KATNIP: variants seen among roughly 807,000 people sequenced by gnomAD.
KATNIP encodes the protein katanin-interacting protein.
KATNIP carries 126 observed loss-of-function variants against 174.0 expected under a neutral mutation model. The ratio of observed to expected loss-of-function variants is 0.72; its 90% CI spans 0.63 to 0.84. KATNIP has a LOEUF of 0.84. KATNIP is among the 40% of genes least tolerant of loss of function. KATNIP has a pLI of 0.00. For missense variants in KATNIP, 1,958 were observed against 2,109.7 expected, an observed-to-expected ratio of 0.93 and a Z score of 1.41; for synonymous variants, 810 against 835.7, an observed-to-expected ratio of 0.97 and a Z score of 0.53.
At chr16:27,768,709 G>A (rs906866234) in intron 20 of KATNIP, among the ~76,000 whole-genome samples, 14 of 152,278 alleles carry the variant, frequency 9.2e-5, no homozygotes, top group African/African-American at 3.1e-4. Context: ...TGACAGCCAC[G>A]CCCGAAGCCA....
At position 27,750,195 on chromosome 16, in the gene KATNIP, A is replaced by G. The variant is rs2081450934; in HGVS notation, c.3235A>G (p.Asn1079Asp). The G allele has an allele frequency of 6.2e-6, 10 of 1,614,108 alleles. No homozygotes were observed. Among genetic ancestry groups the G allele is most frequent in the Non-Finnish European group, 8.5e-6 (10 of 1,180,028 alleles). The change falls in exon 16 of 28, where the codon AAT becomes GAT. Residue 1079 changes from asparagine (N) to aspartate (D), a missense_variant. Around this residue, in one of 3 missense-constraint regions of KATNIP, gnomAD observed 1,557 missense variants for 1,617.8 expected, o/e 0.96. Coordinates refer to ENST00000261588, the MANE Select transcript of KATNIP (RefSeq NM_015202.5). ...HVALIRIWNYNKSRIHSFRGV... is the reference protein window; with the variant it reads ...HVALIRIWNYDKSRIHSFRGV... ...TGCCCTGATCAGAATTTGGAACTAC[A>G]ATAAATCTCGGATACATTCCTTCCG...
chr16:27,703,531 T>TA (rs2079182554), intron 11 of KATNIP, among the ~76,000 whole-genome samples: 1 of 152,214 alleles, frequency 6.6e-6, no homozygotes, highest in African/African-American at 2.4e-5. Flanking sequence ...TACAACCTTT[T>TA]AAAAACATAA....
chr16:27,595,111 A>G (rs560819036), intron 2 of KATNIP, among the ~76,000 whole-genome samples: 27 of 152,296 alleles, frequency 1.8e-4, no homozygotes, highest in African/African-American at 5.5e-4. Context: ...TGGGCCGGGC[A>G]TGGTGGCTCA....
At chr16:27,653,642 A>C (rs971325763) in intron 6 of KATNIP, among the ~76,000 whole-genome samples, 1 of 149,236 alleles carries the variant, frequency 6.7e-6, no homozygotes, top group African/African-American at 2.5e-5. Context: ...CATCCATGCT[A>C]TTTGATTTTC....
chr16:27,726,528 AC>A (rs1461160944), intron 14 of KATNIP, among the ~76,000 whole-genome samples: 6 of 152,358 alleles, frequency 3.9e-5, no homozygotes, highest in African/African-American at 1.4e-4. Context: ...ATAGGGGACC[AC>A]ATGAGTCTCA....
At chr16:27,748,142 G>A (rs749975595) in intron 15 of KATNIP, among the ~76,000 whole-genome samples, 4 of 152,214 alleles carry the variant, frequency 2.6e-5, no homozygotes, top group Admixed American at 6.5e-5. Flanking sequence ...TGGTGTGCAC[G>A]CCGTGGCTCT....
intron 14 of KATNIP, chr16:27,727,180 A>ATGTT (rs537764418): frequency 1.1e-3 from 205 of 191,966 alleles, no homozygotes; most frequent in Middle Eastern, 2.4e-3. Flanking sequence ...CTGATGGAGG[A>ATGTT]TGTTTGTTTG....
chr16:27,756,825 C>A lies in KATNIP; in HGVS notation c.3631+2574C>A, dbSNP rs140013230. The stretch of plus-strand genomic sequence containing the variant: ...GTTTCCACACAGCTGCGTTCAGTTA[C>A]GAAAATGATGGCATCAAGACATGGT... On this transcript the variant is annotated intron_variant, in intron 18 of 27. Coordinates refer to ENST00000261588, the MANE Select transcript of KATNIP (RefSeq NM_015202.5). Among the ~76,000 whole-genome samples the A allele has an allele frequency of 2.1e-4, 32 of 152,314 alleles. No homozygotes were observed. In the East Asian group the frequency reaches 5.8e-3, roughly 28 times the overall value.
chr16:27,589,150 C>A (rs1050173591), intron 2 of KATNIP, among the ~76,000 whole-genome samples: 1 of 152,022 alleles, frequency 6.6e-6, no homozygotes, highest in African/African-American at 2.4e-5. Context: ...AAGTGATCTG[C>A]CTGCCTTGGC....
At chr16:27,676,721 G>A (rs1194327165) in intron 6 of KATNIP, among the ~76,000 whole-genome samples, 1 of 152,138 alleles carries the variant, frequency 6.6e-6, no homozygotes, top group African/African-American at 2.4e-5. Flanking sequence ...CTCCAGGCTA[G>A]AGTACAGTGG....
intron 1 of KATNIP, among the ~76,000 whole-genome samples, chr16:27,566,429 G>A (rs2090091739): frequency 6.6e-6 from 1 of 152,088 alleles, no homozygotes; most frequent in African/African-American, 2.4e-5. Context: ...CCAGCTACTT[G>A]GGAGACTGAG....
rs191851359 is a variant in KATNIP, at chr16:27,640,311, A to G, written c.409-8293A>G. Among the ~76,000 whole-genome samples, 125 of 152,366 alleles carry G rather than the reference A, an allele frequency of 8.2e-4. 1 individual carries two copies. The highest frequency in any genetic ancestry group is 2.9e-3 in the African/African-American group (120 of 41,586). Reference sequence around the variant, plus strand: ...CCCACTCAGGTACAGCAGCGTGCCAAGCGGGGAGCTAGCCAGGTGCACAGT... The same window carrying G: ...CCCACTCAGGTACAGCAGCGTGCCAGGCGGGGAGCTAGCCAGGTGCACAGT... On this transcript the variant is annotated intron_variant, in intron 5 of 27. Transcript: ENST00000261588.
intron 13 of KATNIP, 109 bp from the exon 14 acceptor site, chr16:27,721,449 C>A: frequency 7.6e-7 from 1 of 1,324,032 alleles, no homozygotes; most frequent in Non-Finnish European, 1.1e-6. Context: ...CTGCCCTGAG[C>A]CCTCACCAGG....
At chr16:27,562,812 GA>G (rs1029192653) in intron 1 of KATNIP, among the ~76,000 whole-genome samples, 8 of 151,782 alleles carry the variant, frequency 5.3e-5, no homozygotes, top group Non-Finnish European at 8.8e-5. Context: ...ATTTCAAATG[GA>G]AAAAAAATCA....
intron 6 of KATNIP, among the ~76,000 whole-genome samples, chr16:27,655,177 G>GATAGATAT (rs1407225408): frequency 2.6e-5 from 1 of 38,526 alleles, no homozygotes; most frequent in Non-Finnish European, 5.9e-5. Flanking sequence ...CCCTAGAATG[G>GATAGATAT]ATATATATAT....
chr16:27,667,619 G>C (rs570289926), intron 6 of KATNIP, among the ~76,000 whole-genome samples: 1 of 152,112 alleles, frequency 6.6e-6, no homozygotes, highest in Non-Finnish European at 1.5e-5. Context: ...GCATGTCAGT[G>C]ATCTCTACCC....
chr16:27,763,545 T>C (rs1012454826), intron 19 of KATNIP, among the ~76,000 whole-genome samples: 12 of 146,844 alleles, frequency 8.2e-5, no homozygotes, highest in African/African-American at 3.0e-4. Flanking sequence ...AGCCCAGGAG[T>C]TCAAGGCTGC....
intron 5 of KATNIP, among the ~76,000 whole-genome samples, chr16:27,635,920 G>A (rs1479285269): frequency 2.6e-5 from 4 of 152,114 alleles, no homozygotes; most frequent in Admixed American, 2.6e-4. Flanking sequence ...TTGGGAGGCC[G>A]AGGAAGGAGG....
At position 27,777,776 on chromosome 16, in the gene KATNIP, GC is replaced by G. The variant is rs1199578990; in HGVS notation, c.4712+10del. 1.2e-6 allele frequency: 2 copies of G among 1,612,696 alleles called. No individual in the cohort carries two copies. Among genetic ancestry groups the G allele is most frequent in the Non-Finnish European group, 1.7e-6 (2 of 1,179,206 alleles). ...GAGAAACACACCACCATCAGGTAGG[GC>G]CCCAGCCGGCCCCATGGCCTCCCCA... On this transcript the variant is annotated splice_region_variant and intron_variant, in intron 26 of 27. Coordinates refer to ENST00000261588, the MANE Select transcript of KATNIP (RefSeq NM_015202.5). The surrounding 1 kb of genome is among the most constrained non-coding windows in gnomAD (Gnocchi z 4.4).
Sources: gnomAD v4.1 joint callset for allele counts (sites outside exome capture counted in the v4.1 genomes callset) on GRCh38, gnomAD v4.1.1 for gene constraint, gnomAD v4.1.1 regional missense constraint, Gnocchi (gnomAD v3.1) non-coding constraint, MANE v1.5 for transcripts, NCBI Gene and HGNC (gene_info 2026-07-23, HGNC 2026-07-21) for gene names.